TRIM59: variants seen among roughly 807,000 people sequenced by gnomAD.
TRIM59 encodes the protein tripartite motif containing 59.
In TRIM59, 14 loss-of-function variants were observed where a neutral mutation model predicts 32.2. The observed-to-expected ratio is 0.43, with a 90% CI of 0.29 to 0.68. The LOEUF (loss-of-function observed/expected upper bound fraction) is 0.68. Ranked by LOEUF, TRIM59 falls within the 30% of genes least tolerant of loss-of-function variation. TRIM59 has a pLI of 0.15. For missense variants in TRIM59, 471 were observed against 463.3 expected (o/e 1.02, Z -0.15); for synonymous variants, 163 against 155.1 (o/e 1.05, Z -0.38).
chr3:160,449,293 T>G (rs1719693451), intron 1 of TRIM59, among the ~76,000 whole-genome samples: 1 of 152,186 alleles, frequency 6.6e-6, no homozygotes, highest in African/African-American at 2.4e-5. Context: ...TAACTGCACC[T>G]ACCTCACTTA....
At chr3:160,448,475 C>T (rs1719649520) in intron 2 of TRIM59, among the ~76,000 whole-genome samples, 1 of 152,184 alleles carries the variant, frequency 6.6e-6, no homozygotes, top group African/African-American at 2.4e-5. Context: ...TTGAGATGTA[C>T]ACATTCTTGT....
chr3:160,438,258 G>A lies in TRIM59; in HGVS notation c.926C>T (p.Pro309Leu), dbSNP rs201846537. Residue 309 changes from proline to leucine, a missense_variant, in exon 3 of 3, where the codon CCA becomes CTA. Pro to Leu is a moderately conservative substitution (Grantham distance 98, BLOSUM62 -3). Transcript: ENST00000309784. Reference sequence around the variant, plus strand: ...AGGCCAGGAACATGACATCCTTTTTGGAGAAATTTTCATTTTGGGAATGAG... The same window carrying A: ...AGGCCAGGAACATGACATCCTTTTTAGAGAAATTTTCATTTTGGGAATGAG... ...NVLIPKMKISPKRMSCSWPGK... is the reference protein window; with the variant it reads ...NVLIPKMKISLKRMSCSWPGK... The A allele has an allele frequency of 8.7e-6, 14 of 1,613,550 alleles. No individual in the cohort carries two copies. In the East Asian group the frequency reaches 2.5e-4, roughly 28 times the overall value.
At chr3:160,443,780 C>A (rs1427879393) in intron 2 of TRIM59, among the ~76,000 whole-genome samples, 1 of 152,120 alleles carries the variant, frequency 6.6e-6, no homozygotes, top group African/African-American at 2.4e-5. Flanking sequence ...GCTAGGACTA[C>A]AGGCGCCCGC....
rs555923792 is a variant in TRIM59, at chr3:160,439,936, A to T, written c.-3-750T>A. Among the ~76,000 whole-genome samples the T allele has an allele frequency of 1.2e-4, 18 of 152,324 alleles. No individual in the cohort carries two copies. In the South Asian group the frequency reaches 3.5e-3, roughly 30 times the overall value. ...TAAGATGATAAAATCAAAACCAAGC[A>T]CATATAATGAGTAGACAAGACTATT... On this transcript the variant is annotated intron_variant, in intron 2 of 2. Transcript: ENST00000309784.
intron 2 of TRIM59, 112 bp from the exon 3 acceptor site, chr3:160,439,298 G>T: frequency 2.4e-6 from 2 of 842,370 alleles, no homozygotes; most frequent in South Asian, 4.0e-5. Context: ...ATTTAAAAGA[G>T]AACAAGGTAT....
At chr3:160,449,605 C>T (rs1349008991) in intron 1 of TRIM59, 112 bp downstream of exon 1, 2 of 1,289,576 alleles carry the variant, frequency 1.6e-6, no homozygotes, top group Non-Finnish European at 2.0e-6. Context: ...CCTCCATCGT[C>T]GCGCCCCCAG....
At chr3:160,445,162 C>T (rs1382393527) in intron 2 of TRIM59, among the ~76,000 whole-genome samples, 2 of 151,938 alleles carry the variant, frequency 1.3e-5, no homozygotes, top group Non-Finnish European at 2.9e-5. Context: ...TACCTGTAAT[C>T]CCAGCACTGT....
chr3:160,446,155 T>C (rs929076361), intron 2 of TRIM59, among the ~76,000 whole-genome samples: 1 of 152,150 alleles, frequency 6.6e-6, no homozygotes, highest in African/African-American at 2.4e-5. Context: ...TAGCTATCTG[T>C]GATAGGTAGC....
intron 2 of TRIM59, among the ~76,000 whole-genome samples, chr3:160,441,925 T>C (rs1381850883): frequency 6.6e-6 from 1 of 152,084 alleles, no homozygotes; most frequent in Non-Finnish European, 1.5e-5. Flanking sequence ...TCACTGCAGA[T>C]AAATTCAAGT....
chr3:160,435,788 T>C lies in TRIM59; in HGVS notation c.*2184A>G, dbSNP rs559885713. ...TTACAAACCCTTACCAACATTAATC[T>C]TGGCCTACTTTAAAGTTGAGTGATA... On this transcript the variant is annotated 3_prime_UTR_variant, in exon 3 of 3. Coordinates refer to ENST00000309784, the MANE Select transcript of TRIM59 (RefSeq NM_173084.3). The C allele has an allele frequency of 1.0e-4, 46 of 458,822 alleles. No homozygotes were observed. The highest frequency in any genetic ancestry group is 5.8e-4 in the African/African-American group (29 of 49,678). 28.4% of individuals were successfully genotyped at this position (458,822 alleles called of 1,614,324 possible). A position where few individuals can be genotyped will look rare whatever the true frequency, so the allele number is the denominator to read the frequency against.
At chr3:160,449,562 C>A in intron 1 of TRIM59, 155 bp downstream of exon 1, 1 of 1,286,248 alleles carries the variant, frequency 7.8e-7, no homozygotes, top group Non-Finnish European at 1.0e-6. Context: ...CAGTATGGGA[C>A]AAGAGGGAAT....
intron 2 of TRIM59, among the ~76,000 whole-genome samples, chr3:160,441,662 G>C (rs1249468801): frequency 6.7e-6 from 1 of 150,160 alleles, no homozygotes; most frequent in African/African-American, 2.5e-5. Context: ...GCTAAGGCAG[G>C]AGAATGGCGT....
chr3:160,436,338 T>G lies in TRIM59; in HGVS notation c.*1634A>C. 1 of 986,096 alleles carries G rather than the reference T, an allele frequency of 1.0e-6. No homozygotes were observed. The allele number at this position is 986,096 out of a possible 1,614,324, so 61.1% of individuals were successfully genotyped here. ...TGATATAGGTAAGGCTCTTCGGTGATCCAAGAGCAGCCCCTTTGGGATTTC... is the reference window on the plus strand; with the variant it reads ...TGATATAGGTAAGGCTCTTCGGTGAGCCAAGAGCAGCCCCTTTGGGATTTC... On this transcript the variant is annotated 3_prime_UTR_variant, in exon 3 of 3. Coordinates refer to ENST00000309784, the MANE Select transcript of TRIM59 (RefSeq NM_173084.3).
Position 160,449,602 on chromosome 3 carries a change from C to A in TRIM59, c.-74+115G>T. ...GCAGGTCCCAAGCCACTCCCTCCAT[C>A]GTCGCGCCCCCAGGACTCCCCGCCC... is the stretch of plus-strand genomic sequence containing the variant. On this transcript the variant is annotated intron_variant, in intron 1 of 2. Coordinates refer to ENST00000309784, the MANE Select transcript of TRIM59 (RefSeq NM_173084.3). The A allele has an allele frequency of 5.4e-6, 7 of 1,289,492 alleles. No individual in the cohort carries two copies. The South Asian group carries it at 8.6e-5, about 16-fold the overall frequency. The allele number at this position is 1,289,492 out of a possible 1,614,324, so 79.9% of individuals were successfully genotyped here. A position where few individuals can be genotyped will look rare whatever the true frequency, so the allele number is the denominator to read the frequency against.
In TRIM59 at chr3:160,449,749, G is replaced by C. The variant is rs541187342; in HGVS notation, c.-106C>G. The C allele has an allele frequency of 7.8e-7, 1 of 1,288,002 alleles. No homozygotes were observed. The highest frequency in any genetic ancestry group is 1.5e-5 in the African/African-American group (1 of 65,928). 79.8% of individuals were successfully genotyped at this position (1,288,002 alleles called of 1,614,324 possible). On this transcript the variant is annotated 5_prime_UTR_variant, in exon 1 of 3. Transcript: ENST00000309784. ...AGGAAGCGGACCAGGCAACTCCACA[G>C]CACGGAAACACAGCGCCACGAGCTC...
At position 160,437,109 on chromosome 3, in the gene TRIM59, T is replaced by A. The variant is rs560992095; in HGVS notation, c.*863A>T. ...GCTAACGTCTGTAATCCCAGCACTT[T>A]GGGAGGCCAAGGTGGGCAGATCTCT... On this transcript the variant is annotated 3_prime_UTR_variant, in exon 3 of 3. Coordinates refer to ENST00000309784, the MANE Select transcript of TRIM59 (RefSeq NM_173084.3). 2.1e-6 allele frequency: 2 copies of A among 972,894 alleles called. No homozygotes were observed. The highest frequency in any genetic ancestry group is 1.2e-6 in the Non-Finnish European group (1 of 818,652). 60.3% of individuals were successfully genotyped at this position (972,894 alleles called of 1,614,324 possible). A position where few individuals can be genotyped will look rare whatever the true frequency, so the allele number is the denominator to read the frequency against.
chr3:160,436,537 G>C lies in TRIM59; in HGVS notation c.*1435C>G. The C allele has an allele frequency of 2.0e-6, 2 of 985,206 alleles. No individual in the cohort carries two copies. The highest frequency in any genetic ancestry group is 2.4e-6 in the Non-Finnish European group (2 of 829,702). 61.0% of individuals were successfully genotyped at this position (985,206 alleles called of 1,614,324 possible). On this transcript the variant is annotated 3_prime_UTR_variant, in exon 3 of 3. Transcript: ENST00000309784. Reference sequence around the variant, plus strand: ...TGTTGGGCCGGGCGTGGCGGCTCACGCCTATAATCCCAGCATTTTGGGAGG... The same window carrying C: ...TGTTGGGCCGGGCGTGGCGGCTCACCCCTATAATCCCAGCATTTTGGGAGG...
chr3:160,438,060 A>G lies in TRIM59; in HGVS notation c.1124T>C (p.Leu375Ser). ...CTTTACCTTATGCAGACTGTTAGAT[A>G]AACTTTGGTAAACAGATAGAGAGGC... ...SEASLSVYQS[L>S]SNSLHKVKNI... The change falls in exon 3 of 3, where the codon TTA becomes TCA. Residue 375 changes from leucine to serine, a missense_variant. Coordinates refer to ENST00000309784, the MANE Select transcript of TRIM59 (RefSeq NM_173084.3). 1 of 1,607,852 alleles carries G rather than the reference A, an allele frequency of 6.2e-7. No individual in the cohort carries two copies. Among genetic ancestry groups the G allele is most frequent in the Non-Finnish European group, 8.5e-7 (1 of 1,178,428 alleles).
Position 160,436,428 on chromosome 3 carries a change from A to G in TRIM59, c.*1544T>C, listed in dbSNP as rs1319364124. ...GTGGGCCAAAAGTCGTAACACATGCATCATAACTCCAGTCCCTGTTAAAGG... is the reference window on the plus strand; with the variant it reads ...GTGGGCCAAAAGTCGTAACACATGCGTCATAACTCCAGTCCCTGTTAAAGG... On this transcript the variant is annotated 3_prime_UTR_variant, in exon 3 of 3. Transcript: ENST00000309784. The G allele has an allele frequency of 3.0e-6, 3 of 985,812 alleles. No individual in the cohort carries two copies. The African/African-American group carries it at 5.2e-5, about 17-fold the overall frequency. 61.1% of individuals were successfully genotyped at this position (985,812 alleles called of 1,614,324 possible). A position where few individuals can be genotyped will look rare whatever the true frequency, so the allele number is the denominator to read the frequency against.
Sources: gnomAD v4.1 joint callset for allele counts (sites outside exome capture counted in the v4.1 genomes callset) on GRCh38, gnomAD v4.1.1 for gene constraint, MANE v1.5 for transcripts, NCBI Gene and HGNC (gene_info 2026-07-23, HGNC 2026-07-21) for gene names.